The following SLC12A5 variants were observed in gnomAD, a reference collection of about 807,000 sequenced individuals.
The protein encoded by SLC12A5 is solute carrier family 12 member 5.
A neutral mutation model predicts 124.0 loss-of-function variants in SLC12A5; 18 were observed. The observed-to-expected ratio is 0.15, with a 90% CI of 0.10 to 0.22. The LOEUF (loss-of-function observed/expected upper bound fraction) is 0.22, where lower values mean the gene tolerates loss of function less well. Ranked by LOEUF, SLC12A5 falls within the 10% of genes least tolerant of loss-of-function variation. The pLI, the probability that SLC12A5 is intolerant of heterozygous loss-of-function variation, is 1.00. For missense variants in SLC12A5, 867 were observed against 1,478.7 expected, an observed-to-expected ratio of 0.59 and a Z score of 6.78; for synonymous variants, 589 against 568.0, an observed-to-expected ratio of 1.04 and a Z score of -0.53.
chr20:46,029,029 AC>A, upstream of SLC12A5: 4 of 827,470 alleles, frequency 4.8e-6, no homozygotes, highest in Non-Finnish European at 6.3e-6. Flanking sequence ...CAAGGGGGCC[AC>A]TAGTCGGGCT....
intron 1 of SLC12A5, among the ~76,000 whole-genome samples, chr20:46,032,129 C>T (rs1600588489): frequency 6.6e-6 from 1 of 152,312 alleles, no homozygotes; most frequent in South Asian, 2.1e-4. Context: ...TCTGGCTCCG[C>T]GCTGCGCGCC....
Position 46,045,036 on chromosome 20 carries a change from A to G in SLC12A5, c.1465A>G (p.Ile489Val). The G allele has an allele frequency of 6.2e-7, 1 of 1,614,128 alleles. No individual in the cohort carries two copies. The highest frequency in any genetic ancestry group is 8.5e-7 in the Non-Finnish European group (1 of 1,180,008). ...LAWPSPWVIV[I>V]GSFFSTCGAG... ...CTGGCCATCTCCATGGGTAATTGTC[A>G]TCGGATCCTTCTTCTCCACCTGTGG... is the stretch of plus-strand genomic sequence containing the variant. The change falls in exon 12 of 26, where the codon ATC becomes GTC. Residue 489 changes from isoleucine (I) to valine (V), a missense_variant. Ile to Val is a conservative substitution (Grantham distance 29, BLOSUM62 3). Around this residue, in one of 9 missense-constraint regions of SLC12A5, gnomAD observed 152 missense variants for 358.7 expected, o/e 0.42. Coordinates refer to ENST00000243964, the MANE Select transcript of SLC12A5 (RefSeq NM_020708.5). This position sits in a 1 kb window ranked among gnomAD's most constrained non-coding sequence, Gnocchi z 4.9.
chr20:46,050,594 C>T (rs1364393035), intron 17 of SLC12A5, among the ~76,000 whole-genome samples: 1 of 152,218 alleles, frequency 6.6e-6, no homozygotes, highest in Non-Finnish European at 1.5e-5. Flanking sequence ...GCTGCTTCTG[C>T]CTCACTGGGC....
Position 46,048,097 on chromosome 20 carries a change from G to A in SLC12A5, c.2012+12G>A. On this transcript the variant is annotated intron_variant, in intron 16 of 25. Coordinates refer to ENST00000243964, the MANE Select transcript of SLC12A5 (RefSeq NM_020708.5). ...ACCAAGAACTGGAGGTTAGTGGTGA[G>A]GGCACGGGTGTGCATAAGAGTGTGT... The A allele has an allele frequency of 1.2e-6, 2 of 1,603,070 alleles. No individual in the cohort carries two copies. The highest frequency in any genetic ancestry group is 1.1e-5 in the South Asian group (1 of 89,312).
rs762904398 is a variant in SLC12A5, at chr20:46,041,431, C to T, written c.957C>T (p.Gly319=). ...GNETVTTRLW[G]LFCSSRFLNA... is the part of the protein sequence containing the mutation. ...AGACGGTGACCACACGGCTATGGGG[C>T]CTTTTCTGCTCCTCTCGCTTCCTCA... The change falls in exon 8 of 26, where the codon GGC becomes GGT. Residue 319 remains glycine, a synonymous_variant. Coordinates refer to ENST00000243964, the MANE Select transcript of SLC12A5 (RefSeq NM_020708.5). 2.5e-6 allele frequency: 4 copies of T among 1,614,134 alleles called. No individual in the cohort carries two copies. Among genetic ancestry groups the T allele is most frequent in the Middle Eastern group, 1.6e-4 (1 of 6,062 alleles).
At chr20:46,040,638 A>G in intron 7 of SLC12A5, 24 bp downstream of exon 7, 3 of 1,610,652 alleles carry the variant, frequency 1.9e-6, no homozygotes, top group Non-Finnish European at 2.5e-6. Context: ...CTCTGAGCCC[A>G]AGGAATCGTC....
chr20:46,036,086 T>C, intron 4 of SLC12A5, 163 bp downstream of exon 4: 1 of 820,182 alleles, frequency 1.2e-6, no homozygotes, highest in Non-Finnish European at 1.8e-6. Flanking sequence ...TTCCTGCATC[T>C]CACAGGCTTG....
upstream of SLC12A5, among the ~76,000 whole-genome samples, chr20:46,027,340 C>G (rs1368237518): frequency 6.6e-6 from 1 of 152,146 alleles, no homozygotes; most frequent in Non-Finnish European, 1.5e-5. Context: ...TTGGTAGGTC[C>G]CTCAGAGGCA....
Position 46,048,035 on chromosome 20 carries a change from C to T in SLC12A5, c.1962C>T (p.Arg654=). ...GIRGLSLSAA[R]YALLRLEEGP... ...GAGGTCTGTCTCTCAGTGCGGCTCGCTATGCCCTCTTACGCCTGGAGGAAG... is the reference window on the plus strand; with the variant it reads ...GAGGTCTGTCTCTCAGTGCGGCTCGTTATGCCCTCTTACGCCTGGAGGAAG... Residue 654 remains arginine (R), a synonymous_variant, in exon 16 of 26, where the codon CGC becomes CGT. Transcript: ENST00000243964. 1 of 1,613,000 alleles carries T rather than the reference C, an allele frequency of 6.2e-7. No homozygotes were observed. The highest frequency in any genetic ancestry group is 1.3e-5 in the African/African-American group (1 of 74,990).
At chr20:46,021,801 C>G (rs369492755), upstream of SLC12A5, 60 of 1,532,774 alleles carry the variant, frequency 3.9e-5, no homozygotes, top group East Asian at 4.2e-4. Context: ...CGCTGCCCCC[C>G]GCAGGGCCCG....
chr20:46,048,557 A>G (rs371573230), intron 16 of SLC12A5, among the ~76,000 whole-genome samples: 8 of 152,084 alleles, frequency 5.3e-5, no homozygotes, highest in East Asian at 1.9e-4. Context: ...ATTAATGACA[A>G]TTCATCCATT....
chr20:46,049,768 C>T lies in SLC12A5; in HGVS notation c.2159C>T (p.Pro720Leu), dbSNP rs1385406670. 1 of 1,599,804 alleles carries T rather than the reference C, an allele frequency of 6.3e-7. No homozygotes were observed. The highest frequency in any genetic ancestry group is 2.2e-5 in the East Asian group (1 of 44,454). Residue 720 changes from proline to leucine, a missense_variant, in exon 17 of 26, where the codon CCA (proline) becomes CTA (leucine). Pro to Leu is a moderately conservative substitution (Grantham distance 98, BLOSUM62 -3). Coordinates refer to ENST00000243964, the MANE Select transcript of SLC12A5 (RefSeq NM_020708.5). ...VLEGTFLENH[P>L]QAQRAEESIR... The stretch of plus-strand genomic sequence containing the variant: ...GAGGGCACCTTTCTGGAAAATCATC[C>T]ACAGGCCCAGCGGGCAGAAGAGGTG...
upstream of SLC12A5, chr20:46,029,152 G>C (rs1600585665): frequency 7.1e-7 from 1 of 1,403,562 alleles, no homozygotes; most frequent in East Asian, 2.8e-5. Flanking sequence ...GCTGCTGAGA[G>C]GGGGCGCGCG....
intron 3 of SLC12A5, 101 bp from the exon 4 acceptor site, chr20:46,035,676 A>G: frequency 1.3e-6 from 2 of 1,517,808 alleles, no homozygotes; most frequent in Non-Finnish European, 8.9e-7. Flanking sequence ...TTGAGAATAG[A>G]GAGAAGAGGA....
chr20:46,029,910 G>A (rs2084432968), intron 1 of SLC12A5, among the ~76,000 whole-genome samples: 5 of 74,220 alleles, frequency 6.7e-5, no homozygotes, highest in Non-Finnish European at 1.6e-4. Context: ...GCGTATGTGT[G>A]TGTGTGCGTG....
upstream of SLC12A5, chr20:46,029,107 A>G: frequency 7.5e-7 from 1 of 1,326,458 alleles, no homozygotes; most frequent in Non-Finnish European, 9.6e-7. Flanking sequence ...CCAGTGGCTC[A>G]CGCCTCCTGC....
rs781617835 is a variant in SLC12A5 at position 46,053,144 on chromosome 20, G to A, written c.2547+18G>A. ...ACCACAAGGTGAGTTGTGTGCGTGA[G>A]TGTATGCACGTGTGAGTGTGTGTAT... On this transcript the variant is annotated intron_variant, in intron 19 of 25. Coordinates refer to ENST00000243964, the MANE Select transcript of SLC12A5 (RefSeq NM_020708.5). This position sits in a 1 kb window ranked among gnomAD's most constrained non-coding sequence, Gnocchi z 4.7. The A allele has an allele frequency of 6.3e-7, 1 of 1,598,114 alleles. No individual in the cohort carries two copies. The highest frequency in any genetic ancestry group is 1.1e-5 in the South Asian group (1 of 90,646).
In SLC12A5 at chr20:46,053,269, G is replaced by A. The variant is rs1346170684; in HGVS notation, c.2547+143G>A. The A allele has an allele frequency of 1.1e-6, 1 of 925,096 alleles. No individual in the cohort carries two copies. The highest frequency in any genetic ancestry group is 1.6e-6 in the Non-Finnish European group (1 of 629,016). The allele number at this position is 925,096 out of a possible 1,614,324, so 57.3% of individuals were successfully genotyped here. On this transcript the variant is annotated intron_variant, in intron 19 of 25. Transcript: ENST00000243964. This position sits in a 1 kb window ranked among gnomAD's most constrained non-coding sequence, Gnocchi z 4.7. ...TGTCCTTCCTCCCCTGTAAACTCCT[G>A]GGAAAGGGATCTGCTGACCTACTTC...
chr20:46,056,961 C>T lies in SLC12A5; in HGVS notation c.3125+50C>T, dbSNP rs1333940697. 1.2e-6 allele frequency: 2 copies of T among 1,613,478 alleles called. No individual in the cohort carries two copies. Among genetic ancestry groups the T allele is most frequent in the Non-Finnish European group, 1.7e-6 (2 of 1,179,526 alleles). On this transcript the variant is annotated intron_variant, in intron 24 of 25. Transcript: ENST00000243964. This position sits in a 1 kb window ranked among gnomAD's most constrained non-coding sequence, Gnocchi z 4.3. ...TCTCTCTCCTAGGATGGCCAGGGTC[C>T]CTACCCTCCTCACTCTGTTGTGAAC...
Sources: allele counts gnomAD v4.1 joint callset (sites outside exome capture counted in the v4.1 genomes callset), GRCh38; gene constraint gnomAD v4.1.1; regional missense constraint gnomAD v4.1.1; non-coding constraint Gnocchi (gnomAD v3.1); transcripts MANE v1.5; gene names NCBI Gene and HGNC (gene_info 2026-07-23, HGNC 2026-07-21).